The following ACYP2 variants were observed in gnomAD, a reference collection of about 807,000 sequenced individuals.
ACYP2 encodes the protein acylphosphatase 2, also known as acylphosphatase-2.
Under a neutral mutation model 11.2 loss-of-function variants are expected in ACYP2, and 12 were observed. The observed-to-expected ratio is 1.08, with a 90% CI of 0.69 to 1.74. ACYP2 has a LOEUF of 1.74. Among genes scored for constraint, ACYP2 ranks in the 40% most tolerant of loss-of-function variants. The probability of loss-of-function intolerance (pLI) is 0.00; values close to 1 mark genes in which losing one functional copy is unlikely to be tolerated. For missense variants in ACYP2, 134 were observed against 101.9 expected, an observed-to-expected ratio of 1.31 and a Z score of -1.35; for synonymous variants, 43 against 32.2, an observed-to-expected ratio of 1.33 and a Z score of -1.13.
intron 6 of ACYP2, among the ~76,000 whole-genome samples, chr2:54,145,572 C>A (rs992620828): frequency 1.3e-5 from 2 of 152,100 alleles, no homozygotes; most frequent in Non-Finnish European, 2.9e-5. Flanking sequence ...CTTTCAATAA[C>A]AGTATGCTTT....
chr2:54,189,960 T>C (rs765525212), intron 6 of ACYP2, among the ~76,000 whole-genome samples: 7 of 152,206 alleles, frequency 4.6e-5, no homozygotes, highest in African/African-American at 1.4e-4. Context: ...ATTAGTGATA[T>C]TGAGCATCTT....
chr2:54,195,961 C>T (rs1433059440), intron 6 of ACYP2, among the ~76,000 whole-genome samples: 18 of 151,792 alleles, frequency 1.2e-4, no homozygotes, highest in Admixed American at 1.2e-3. Flanking sequence ...CCACACTCAG[C>T]TAATTTTTGT....
intron 6 of ACYP2, among the ~76,000 whole-genome samples, chr2:54,220,584 TC>T (rs1685759298): frequency 6.6e-6 from 1 of 152,226 alleles, no homozygotes; most frequent in African/African-American, 2.4e-5. Flanking sequence ...AAGATTTTTA[TC>T]TTCTATTTTA....
intron 6 of ACYP2, among the ~76,000 whole-genome samples, chr2:54,201,899 G>T (rs149749985): frequency 6.6e-6 from 1 of 151,542 alleles, no homozygotes; most frequent in Non-Finnish European, 1.5e-5. Context: ...GTAGAGACAG[G>T]GTTTCTCCAT....
At chr2:54,095,691 C>T (rs1357233013) in intron 4 of ACYP2, among the ~76,000 whole-genome samples, 2 of 108,264 alleles carry the variant, frequency 1.8e-5, no homozygotes, top group African/African-American at 3.7e-5. Flanking sequence ...CTGGACGGGG[C>T]GGCTGGCCGG....
At chr2:54,300,075 T>A (rs1477200355) in intron 6 of ACYP2, among the ~76,000 whole-genome samples, 1 of 152,172 alleles carries the variant, frequency 6.6e-6, no homozygotes, top group African/African-American at 2.4e-5. Flanking sequence ...TGTGAATGCC[T>A]CTCCCTATCC....
At chr2:54,224,788 C>G (rs1183715458) in intron 6 of ACYP2, among the ~76,000 whole-genome samples, 1 of 152,188 alleles carries the variant, frequency 6.6e-6, no homozygotes, top group East Asian at 1.9e-4. Context: ...TATTCGTTAT[C>G]TTTTAAATAA....
At chr2:54,051,296 C>G (rs1573611661) in intron 3 of ACYP2, 2 of 770,862 alleles carry the variant, frequency 2.6e-6, no homozygotes, top group East Asian at 4.9e-5. Flanking sequence ...GCATAAGAAG[C>G]AGCAGCCAGA....
At chr2:54,159,488 A>G (rs1682611691) in intron 6 of ACYP2, among the ~76,000 whole-genome samples, 1 of 151,992 alleles carries the variant, frequency 6.6e-6, no homozygotes, top group African/African-American at 2.4e-5. Context: ...GATTACAGGC[A>G]TGAGCCACCG....
At position 54,135,500 on chromosome 2, in the gene ACYP2, AT is replaced by A. The variant is rs201222599; in HGVS notation, c.294+39del. The A allele has an allele frequency of 1.7e-4, 266 of 1,592,822 alleles. No homozygotes were observed. The African/African-American group carries it at 2.5e-3, about 15-fold the overall frequency. On this transcript the variant is annotated intron_variant, in intron 5 of 6. Transcript: ENST00000607452. ...TCAGTACAATCTTTATTATTTTGCT[AT>A]TTTTTTTCCACTGTTATTCCCAATT...
chr2:54,186,409 G>T lies in ACYP2; in HGVS notation c.404+47661G>T, dbSNP rs574344928. On this transcript the variant is annotated intron_variant, in intron 6 of 6. Coordinates refer to ENST00000607452, the MANE Select transcript of ACYP2 (RefSeq NM_001320586.2). The stretch of plus-strand genomic sequence containing the variant: ...AGTATGTAGATGAAGCCTTGAAAAT[G>T]TTTATATTCTTTCCTTTCTTCCTAT... Among the ~76,000 whole-genome samples, 7 of 152,254 alleles carry T rather than the reference G, an allele frequency of 4.6e-5. No individual in the cohort carries two copies. In the East Asian group the frequency reaches 9.6e-4, roughly 21 times the overall value.
At chr2:54,084,088 C>T (rs1677814376) in intron 4 of ACYP2, among the ~76,000 whole-genome samples, 1 of 151,968 alleles carries the variant, frequency 6.6e-6, no homozygotes, top group Non-Finnish European at 1.5e-5. Flanking sequence ...CAGAGTATAA[C>T]GTTTCTTCCA....
intron 6 of ACYP2, chr2:54,254,816 C>G (rs1687414706): frequency 8.4e-7 from 1 of 1,196,630 alleles, no homozygotes; most frequent in Non-Finnish European, 1.2e-6. Flanking sequence ...ACAGGAAAGT[C>G]AGAACAAAAA....
intron 6 of ACYP2, among the ~76,000 whole-genome samples, chr2:54,251,534 G>A (rs577985398): frequency 6.6e-5 from 10 of 152,120 alleles, no homozygotes; most frequent in East Asian, 1.9e-4. Context: ...CATCACCAGC[G>A]CTTCAGAATC....
chr2:54,003,300 C>T (rs993043033), intron 2 of ACYP2, among the ~76,000 whole-genome samples: 10 of 151,532 alleles, frequency 6.6e-5, no homozygotes, highest in East Asian at 2.0e-4. Flanking sequence ...ACTCTTGTTG[C>T]CCAGGCTGGG....
intron 2 of ACYP2, among the ~76,000 whole-genome samples, chr2:53,982,779 G>A (rs1292593443): frequency 6.6e-6 from 1 of 150,894 alleles, no homozygotes; most frequent in Admixed American, 6.6e-5. Flanking sequence ...AAGCCTGGCT[G>A]TTTTCCTTGA....
chr2:54,263,207 G>T (rs1183059316), intron 6 of ACYP2, among the ~76,000 whole-genome samples: 2 of 152,206 alleles, frequency 1.3e-5, no homozygotes, highest in African/African-American at 2.4e-5. Context: ...CATGGCGGAA[G>T]GCAAAGGGGC....
At chr2:54,213,311 G>A (rs183342758) in intron 6 of ACYP2, among the ~76,000 whole-genome samples, 1 of 152,204 alleles carries the variant, frequency 6.6e-6, no homozygotes, top group Non-Finnish European at 1.5e-5. Context: ...TGGTGTATAT[G>A]TACCACATTT....
At chr2:54,073,363 GA>G (rs374500364) in intron 4 of ACYP2, among the ~76,000 whole-genome samples, 88 of 140,328 alleles carry the variant, frequency 6.3e-4, no homozygotes, top group East Asian at 1.2e-3. Context: ...CATACCTAAG[GA>G]AAAAAAAAAA....
Sources: gnomAD v4.1 joint callset for allele counts (sites outside exome capture counted in the v4.1 genomes callset) on GRCh38, gnomAD v4.1.1 for gene constraint, MANE v1.5 for transcripts, NCBI Gene and HGNC (gene_info 2026-07-23, HGNC 2026-07-21) for gene names.